Variants in RELCH observed in about 807,000 individuals in gnomAD.
The protein encoded by RELCH is RAB11-binding protein RELCH.
In RELCH, 41 loss-of-function variants were observed where a neutral mutation model predicts 150.3. That is an observed-to-expected ratio of 0.27 (90% CI 0.21 to 0.35). The LOEUF is 0.35. Ranked by LOEUF, RELCH falls within the 10% of genes least tolerant of loss-of-function variation. RELCH has a pLI of 1.00. For missense variants in RELCH, 1,092 were observed against 1,467.8 expected (o/e 0.74, Z 4.18); for synonymous variants, 478 against 531.8 (o/e 0.90, Z 1.39).
chr18:62,228,497 T>C lies in RELCH; in HGVS notation c.1347T>C (p.Pro449=), dbSNP rs757590273. The C allele has an allele frequency of 1.2e-6, 2 of 1,613,088 alleles. No individual in the cohort carries two copies. The highest frequency in any genetic ancestry group is 8.5e-7 in the Non-Finnish European group (1 of 1,179,560). The change falls in exon 8 of 29, where the codon CCT becomes CCC. Residue 449 remains proline (P), a synonymous_variant. Transcript: ENST00000644646. ...CAGATGAAGCTGATTCCACTATTCCTAAAGAGAATTCCCCAAATTCATTCC... is the reference window on the plus strand; with the variant it reads ...CAGATGAAGCTGATTCCACTATTCCCAAAGAGAATTCCCCAAATTCATTCC... ...SISDEADSTI[P]KENSPNSFPR... is the part of the protein sequence containing the mutation.
At chr18:62,227,236 A>T in intron 5 of RELCH, 53 bp from the exon 6 acceptor site, 5 of 1,219,408 alleles carry the variant, frequency 4.1e-6, no homozygotes, top group Non-Finnish European at 5.8e-6. Context: ...AATTTCAAAA[A>T]TGTAAGATAA....
chr18:62,212,591 T>G (rs2040237181), intron 2 of RELCH, among the ~76,000 whole-genome samples: 1 of 152,242 alleles, frequency 6.6e-6, no homozygotes, highest in South Asian at 2.1e-4. Flanking sequence ...CTAATTCTTA[T>G]ATAACATTTG....
At position 62,298,974 on chromosome 18, in the gene RELCH, G is replaced by A. The variant is rs563787525; in HGVS notation, c.3530+114G>A. On this transcript the variant is annotated intron_variant, in intron 28 of 28. Coordinates refer to ENST00000644646, the MANE Select transcript of RELCH (RefSeq NM_001346231.2). ...GTGTTACGTTATAGTCCTTTGTTTGGAAGACAAGAAAATGATTTAAGTCAT... is the reference window on the plus strand; with the variant it reads ...GTGTTACGTTATAGTCCTTTGTTTGAAAGACAAGAAAATGATTTAAGTCAT... 194 of 599,612 alleles carry A rather than the reference G, an allele frequency of 3.2e-4. 2 individuals carry two copies. The Middle Eastern group carries it at 4.8e-3, about 15-fold the overall frequency. The allele number at this position is 599,612 out of a possible 1,614,324, so 37.1% of individuals were successfully genotyped here.
At chr18:62,297,870 T>C (rs1182906910) in intron 27 of RELCH, among the ~76,000 whole-genome samples, 2 of 152,204 alleles carry the variant, frequency 1.3e-5, no homozygotes, top group Admixed American at 1.3e-4. Flanking sequence ...TGTTTTTACT[T>C]AAACATTATC....
intron 21 of RELCH, 44 bp downstream of exon 21, chr18:62,274,130 T>A (rs1347431690): frequency 8.1e-7 from 1 of 1,229,812 alleles, no homozygotes; most frequent in East Asian, 2.3e-5. Flanking sequence ...CATATAAAGT[T>A]TTTAGATTGG....
In RELCH at chr18:62,279,820, T is replaced by C. The variant is rs753381852; in HGVS notation, c.3014T>C (p.Val1005Ala). The change falls in exon 23 of 29, where the codon GTT becomes GCT. Residue 1005 changes from valine to alanine, a missense_variant. By Grantham distance (64) the Val-to-Ala change is moderately conservative. Coordinates refer to ENST00000644646, the MANE Select transcript of RELCH (RefSeq NM_001346231.2). The part of the protein sequence containing the change: ...VNETLVAQRV[V>A]PALITLSSDP... ...GAAACTCTGGTAGCTCAGAGGGTTG[T>C]TCCTGCTCTCATTACTCTCTCCAGT... 1 of 1,535,830 alleles carries C rather than the reference T, an allele frequency of 6.5e-7. No homozygotes were observed. Among genetic ancestry groups the C allele is most frequent in the Middle Eastern group, 1.7e-4 (1 of 5,984 alleles).
At position 62,223,937 on chromosome 18, in the gene RELCH, A is replaced by G. The variant is rs1380498334; in HGVS notation, c.858+2440A>G. 2.0e-5 allele frequency among the ~76,000 whole-genome samples: 3 copies of G among 152,298 alleles called. No homozygotes were observed. In the East Asian group the frequency reaches 5.8e-4, roughly 29 times the overall value. On this transcript the variant is annotated intron_variant, in intron 5 of 28. Coordinates refer to ENST00000644646, the MANE Select transcript of RELCH (RefSeq NM_001346231.2). ...TTTCCCCAACTGATAGAGGACATTT[A>G]TAGAAAACCTATCACTAACATCATT... is the stretch of plus-strand genomic sequence containing the variant.
At chr18:62,208,826 T>A (rs2039980350) in intron 1 of RELCH, among the ~76,000 whole-genome samples, 1 of 152,322 alleles carries the variant, frequency 6.6e-6, no homozygotes, top group Middle Eastern at 3.4e-3. Context: ...ACAAAAGACG[T>A]GATCTTCTTC....
At chr18:62,262,555 G>A (rs2043328277) in intron 16 of RELCH, among the ~76,000 whole-genome samples, 2 of 152,038 alleles carry the variant, frequency 1.3e-5, no homozygotes, top group South Asian at 4.1e-4. Flanking sequence ...CTATTTGGAT[G>A]TCAGTTTTAT....
At chr18:62,232,046 G>T (rs1486944512) in intron 9 of RELCH, among the ~76,000 whole-genome samples, 1 of 151,938 alleles carries the variant, frequency 6.6e-6, no homozygotes, top group Non-Finnish European at 1.5e-5. Context: ...ACCCCTACTT[G>T]TTCCCAGAAA....
At position 62,194,309 on chromosome 18, in the gene RELCH, G is replaced by C. The variant is rs149958783; in HGVS notation, c.526+6278G>C. Among the ~76,000 whole-genome samples the C allele has an allele frequency of 9.6e-4, 146 of 152,212 alleles. 1 individual carries two copies. The highest frequency in any genetic ancestry group is 3.4e-3 in the African/African-American group (142 of 41,534). Reference sequence around the variant, plus strand: ...GCTTTTGATTTCATCAAATCCAGTTGACTGTTTTTTTCTTTAATAATTTAT... The same window carrying C: ...GCTTTTGATTTCATCAAATCCAGTTCACTGTTTTTTTCTTTAATAATTTAT... On this transcript the variant is annotated intron_variant, in intron 1 of 28. Coordinates refer to ENST00000644646, the MANE Select transcript of RELCH (RefSeq NM_001346231.2).
intron 9 of RELCH, 106 bp from the exon 10 acceptor site, chr18:62,232,225 AT>A: frequency 1.6e-6 from 1 of 629,082 alleles, no homozygotes; most frequent in Non-Finnish European, 2.9e-6. Context: ...AAATATTGGA[AT>A]GTGTGTTTAG....
At chr18:62,248,416 T>A (rs1318619399) in intron 11 of RELCH, among the ~76,000 whole-genome samples, 3 of 152,200 alleles carry the variant, frequency 2.0e-5, no homozygotes, top group Non-Finnish European at 4.4e-5. Context: ...TGAAGTTATG[T>A]ATTAATTAAC....
chr18:62,272,929 G>C (rs1285510308), intron 20 of RELCH, among the ~76,000 whole-genome samples: 1 of 151,742 alleles, frequency 6.6e-6, no homozygotes, highest in Non-Finnish European at 1.5e-5. Context: ...TGATTTGTCA[G>C]TTAAATTGTG....
At chr18:62,227,994 T>A (rs146484743) in intron 7 of RELCH, among the ~76,000 whole-genome samples, 92 of 152,226 alleles carry the variant, frequency 6.0e-4, no homozygotes, top group Non-Finnish European at 1.1e-3. Context: ...TTATTCCATT[T>A]AGTTCTTGTA....
intron 21 of RELCH, among the ~76,000 whole-genome samples, chr18:62,275,021 A>C (rs1330488686): frequency 6.6e-6 from 1 of 152,174 alleles, no homozygotes; most frequent in Admixed American, 6.5e-5. Context: ...CGTTCAAGCA[A>C]TTCTCCTGCC....
At chr18:62,244,961 C>A in intron 11 of RELCH, 85 bp downstream of exon 11, 1 of 855,366 alleles carries the variant, frequency 1.2e-6, no homozygotes. Flanking sequence ...GCATTTGAAT[C>A]TAAAATGCCT....
At position 62,226,232 on chromosome 18, in the gene RELCH, G is replaced by A. The variant is rs189996731; in HGVS notation, c.859-1057G>A. 1.7e-3 allele frequency among the ~76,000 whole-genome samples: 258 copies of A among 152,066 alleles called. 1 individual carries two copies. The highest frequency in any genetic ancestry group is 5.5e-3 in the African/African-American group (228 of 41,520). The stretch of plus-strand genomic sequence containing the variant: ...TAGAATGGTGAGACAGTGTATTTAC[G>A]TGCAATTGATTACTCAGCAATTTTA... On this transcript the variant is annotated intron_variant, in intron 5 of 28. Coordinates refer to ENST00000644646, the MANE Select transcript of RELCH (RefSeq NM_001346231.2).
intron 1 of RELCH, among the ~76,000 whole-genome samples, chr18:62,207,239 G>A (rs975681714): frequency 6.6e-6 from 1 of 152,070 alleles, no homozygotes; most frequent in Non-Finnish European, 1.5e-5. Context: ...TTATATAGAT[G>A]GAAATCATAC....
Sources: allele counts gnomAD v4.1 joint callset (sites outside exome capture counted in the v4.1 genomes callset), GRCh38; gene constraint gnomAD v4.1.1; transcripts MANE v1.5; gene names NCBI Gene and HGNC (gene_info 2026-07-23, HGNC 2026-07-21).